Variants in AGBL4 observed in about 807,000 individuals in gnomAD.
The protein encoded by AGBL4 is cytosolic carboxypeptidase 6.
In AGBL4, 58 loss-of-function variants were observed where a neutral mutation model predicts 66.4. The ratio of observed to expected loss-of-function variants is 0.87; its 90% CI spans 0.71 to 1.09. The LOEUF (loss-of-function observed/expected upper bound fraction) is 1.09, where lower values mean the gene tolerates loss of function less well. Among genes scored for constraint, AGBL4 ranks in the 50% least tolerant of loss-of-function variants. AGBL4 has a pLI of 0.00. For synonymous variants in AGBL4, 234 were observed against 222.9 expected, an observed-to-expected ratio of 1.05 and a Z score of -0.44; for missense variants, 579 against 631.0, an observed-to-expected ratio of 0.92 and a Z score of 0.88.
chr1:49,030,125 ACTG>A (rs1664083388), intron 5 of AGBL4, among the ~76,000 whole-genome samples: 1 of 152,118 alleles, frequency 6.6e-6, no homozygotes, highest in South Asian at 2.1e-4. Context: ...CATGCTATGG[ACTG>A]AATATTTGTG....
intron 3 of AGBL4, among the ~76,000 whole-genome samples, chr1:49,380,855 T>G (rs1211376173): frequency 6.6e-6 from 1 of 152,140 alleles, no homozygotes; most frequent in Non-Finnish European, 1.5e-5. Context: ...CAAGATGGAT[T>G]AAAGACTTAA....
At chr1:49,416,325 G>T in intron 3 of AGBL4, among the ~76,000 whole-genome samples, 1 of 152,096 alleles carries the variant, frequency 6.6e-6, no homozygotes, top group East Asian at 1.9e-4. Context: ...ATTACCAAAT[G>T]TTTGAATTTA....
At chr1:49,853,257 A>T (rs2148067472) in intron 1 of AGBL4, among the ~76,000 whole-genome samples, 1 of 152,326 alleles carries the variant, frequency 6.6e-6, no homozygotes, top group South Asian at 2.1e-4. Flanking sequence ...AACAAAATTC[A>T]TGAAGAAATG....
chr1:49,163,641 T>C (rs1438016313), intron 4 of AGBL4, among the ~76,000 whole-genome samples: 1 of 152,220 alleles, frequency 6.6e-6, no homozygotes, highest in African/African-American at 2.4e-5. Context: ...CGTCTGTTGA[T>C]GTATGAACGA....
chr1:48,723,083 C>T (rs573848052), intron 6 of AGBL4, among the ~76,000 whole-genome samples: 29 of 151,742 alleles, frequency 1.9e-4, no homozygotes, highest in Non-Finnish European at 2.6e-4. Flanking sequence ...TCTAAATCCA[C>T]GCTCCCCACT....
chr1:49,388,202 G>C (rs1461091899), intron 3 of AGBL4, among the ~76,000 whole-genome samples: 1 of 152,060 alleles, frequency 6.6e-6, no homozygotes, highest in Non-Finnish European at 1.5e-5. Context: ...TTTGTATAGT[G>C]CAGGAGTGGA....
At chr1:48,581,075 C>T (rs1257899171) in intron 11 of AGBL4, among the ~76,000 whole-genome samples, 2 of 152,214 alleles carry the variant, frequency 1.3e-5, no homozygotes, top group East Asian at 1.9e-4. Context: ...ACTTTTATCC[C>T]TCTGTGATGC....
At chr1:48,537,356 T>C (rs984517340) in intron 12 of AGBL4, among the ~76,000 whole-genome samples, 3 of 152,196 alleles carry the variant, frequency 2.0e-5, no homozygotes, top group African/African-American at 7.2e-5. Flanking sequence ...AGGAGCTCTC[T>C]AGATCTTTTC....
At chr1:48,613,376 C>T (rs777492559) in intron 9 of AGBL4, among the ~76,000 whole-genome samples, 18 of 152,082 alleles carry the variant, frequency 1.2e-4, no homozygotes, top group Non-Finnish European at 2.2e-4. Context: ...TGGGGTCCAA[C>T]GAGGGCAAAT....
At chr1:49,967,659 A>T (rs1167535567) in intron 1 of AGBL4, among the ~76,000 whole-genome samples, 2 of 152,170 alleles carry the variant, frequency 1.3e-5, no homozygotes, top group Non-Finnish European at 2.9e-5. Flanking sequence ...ATTGATTAAA[A>T]AAATAAAAAA....
intron 3 of AGBL4, among the ~76,000 whole-genome samples, chr1:49,489,324 GT>G (rs1163901970): frequency 9.2e-5 from 14 of 151,778 alleles, no homozygotes; most frequent in African/African-American, 3.4e-4. Context: ...CCATTTATAT[GT>G]TTTCTTTTGA....
intron 3 of AGBL4, among the ~76,000 whole-genome samples, chr1:49,277,844 CTGTT>C (rs1644199949): frequency 6.6e-6 from 1 of 152,066 alleles, no homozygotes; most frequent in East Asian, 1.9e-4. Context: ...ATTGTTTTCT[CTGTT>C]TGTTTCCAGA....
intron 6 of AGBL4, among the ~76,000 whole-genome samples, chr1:48,804,539 CCA>C (rs1247540135): frequency 1.3e-5 from 2 of 152,162 alleles, no homozygotes; most frequent in Admixed American, 6.5e-5. Context: ...CCTCTCTCCC[CCA>C]ACACTGACCA....
At chr1:49,074,982 C>T (rs1644682322) in intron 4 of AGBL4, among the ~76,000 whole-genome samples, 1 of 152,140 alleles carries the variant, frequency 6.6e-6, no homozygotes, top group Non-Finnish European at 1.5e-5. Context: ...TCCACTTTTA[C>T]ATTAAAATAT....
chr1:49,116,105 T>A (rs960995827), intron 4 of AGBL4, among the ~76,000 whole-genome samples: 2 of 152,224 alleles, frequency 1.3e-5, no homozygotes, highest in Non-Finnish European at 2.9e-5. Context: ...TATGATTTTT[T>A]AAAAATCTCT....
At chr1:48,920,883 T>C (rs1654019390) in intron 5 of AGBL4, among the ~76,000 whole-genome samples, 1 of 152,002 alleles carries the variant, frequency 6.6e-6, no homozygotes, top group Admixed American at 6.6e-5. Flanking sequence ...TGCCAAGCCA[T>C]GTGCTTTGAA....
At chr1:49,262,213 G>T (rs993871052) in intron 3 of AGBL4, among the ~76,000 whole-genome samples, 1 of 152,098 alleles carries the variant, frequency 6.6e-6, no homozygotes, top group Non-Finnish European at 1.5e-5. Context: ...AACCCTAGAA[G>T]AAAACCTAGG....
chr1:49,959,018 A>C (rs1463874335), intron 1 of AGBL4, among the ~76,000 whole-genome samples: 1 of 151,382 alleles, frequency 6.6e-6, no homozygotes, highest in Non-Finnish European at 1.5e-5. Context: ...CCCAAGATAA[A>C]AAAAAAAAAA....
At chr1:49,804,782 A>C (rs550463549) in intron 2 of AGBL4, among the ~76,000 whole-genome samples, 8 of 152,324 alleles carry the variant, frequency 5.3e-5, no homozygotes, top group Middle Eastern at 3.4e-3. Context: ...GAAAATAAAC[A>C]ATTTGAGAAT....
Sources: allele counts gnomAD v4.1 joint callset (sites outside exome capture counted in the v4.1 genomes callset), GRCh38; gene constraint gnomAD v4.1.1; transcripts MANE v1.5; gene names NCBI Gene and HGNC (gene_info 2026-07-23, HGNC 2026-07-21).